EIF2B5: variants seen among roughly 807,000 people sequenced by gnomAD.
The protein encoded by EIF2B5 is eukaryotic translation initiation factor 2B subunit epsilon.
Under a neutral mutation model 87.3 loss-of-function variants are expected in EIF2B5, and 38 were observed. The ratio of observed to expected loss-of-function variants is 0.44; its 90% confidence interval spans 0.34 to 0.57. The LOEUF is 0.57. Among genes scored for constraint, EIF2B5 ranks in the 20% least tolerant of loss-of-function variants. The probability of loss-of-function intolerance (pLI) is 0.02; values close to 1 mark genes in which losing one functional copy is unlikely to be tolerated. For missense variants in EIF2B5, 784 were observed against 909.5 expected (o/e 0.86, Z 1.78); for synonymous variants, 313 against 339.6 (o/e 0.92, Z 0.86).
In EIF2B5 at chr3:184,144,872, G is replaced by C. The variant is rs1368238343; in HGVS notation, c.2107-12G>C. 6.2e-7 allele frequency: 1 copy of C among 1,613,422 alleles called. No homozygotes were observed. Among genetic ancestry groups the C allele is most frequent in the Admixed American group, 1.7e-5 (1 of 59,976 alleles). The stretch of plus-strand genomic sequence containing the variant: ...ACCTCCCCCAGCCGATCTCTCCTCT[G>C]CTTCTTTACAGCTGCAGAGGTTCAT... On this transcript the variant is annotated splice_polypyrimidine_tract_variant and intron_variant, in intron 15 of 15. Coordinates refer to ENST00000648915, the MANE Select transcript of EIF2B5 (RefSeq NM_003907.3).
intron 5 of EIF2B5, among the ~76,000 whole-genome samples, chr3:184,139,270 ATTTTTTTTTTTTTTT>A (rs1196978595): frequency 1.0e-4 from 5 of 48,012 alleles, no homozygotes; most frequent in African/African-American, 4.6e-4. Context: ...TGCACCCAGC[ATTTTTTTTTTTTTTT>A]TTTTTTTTTT....
chr3:184,140,233 T>A, intron 6 of EIF2B5, 76 bp downstream of exon 6: 1 of 1,514,060 alleles, frequency 6.6e-7, no homozygotes, highest in Non-Finnish European at 9.2e-7. Flanking sequence ...TAACTTTTGA[T>A]CTTTTTTGTA....
At position 184,145,238 on chromosome 3, in the gene EIF2B5, C is replaced by G. The variant is rs1713817968; in HGVS notation, c.*295C>G. The G allele has an allele frequency of 1.9e-6, 1 of 513,794 alleles. No homozygotes were observed. The highest frequency in any genetic ancestry group is 3.5e-6 in the Non-Finnish European group (1 of 282,228). The allele number at this position is 513,794 out of a possible 1,614,324, so 31.8% of individuals were successfully genotyped here. A position where few individuals can be genotyped will look rare whatever the true frequency, so the allele number is the denominator to read the frequency against. On this transcript the variant is annotated 3_prime_UTR_variant, in exon 16 of 16. Coordinates refer to ENST00000648915, the MANE Select transcript of EIF2B5 (RefSeq NM_003907.3). This position sits in a 1 kb window ranked among gnomAD's most constrained non-coding sequence, Gnocchi z 4.0. ...GAACAGCTTTGTGCTCCGGCTTTCCCTCAGGGAACAGCAGAGAGCAGTTGG... is the reference window on the plus strand; with the variant it reads ...GAACAGCTTTGTGCTCCGGCTTTCCGTCAGGGAACAGCAGAGAGCAGTTGG...
chr3:184,140,721 T>C lies in EIF2B5; in HGVS notation c.1147T>C (p.Cys383Arg), dbSNP rs1271482092. The C allele has an allele frequency of 6.2e-7, 1 of 1,614,070 alleles. No homozygotes were observed. The highest frequency in any genetic ancestry group is 8.5e-7 in the Non-Finnish European group (1 of 1,180,030). Residue 383 changes from cysteine (C) to arginine (R), a missense_variant, in exon 7 of 16, where the codon TGC becomes CGC. Cys to Arg is a radical substitution (Grantham distance 180, BLOSUM62 -3). This residue lies in a region of EIF2B5 where 660 missense variants were observed against 789.5 expected (regional missense o/e 0.84). Coordinates refer to ENST00000648915, the MANE Select transcript of EIF2B5 (RefSeq NM_003907.3). ...FITNSVIGPG[C>R]HIGDNVVLDQ... ...CACCAACAGTGTCATTGGCCCCGGC[T>C]GCCACATTGGTGAGCACAGGTGGGG...
Position 184,143,147 on chromosome 3 carries a change from G to C in EIF2B5, c.1745+5G>C. The stretch of plus-strand genomic sequence containing the variant: ...CCTGGAAATCAACTCTCTCAAGTAA[G>C]AGCAGCCCCTCCCTGTTCTCCTCGG... On this transcript the variant is annotated splice_donor_5th_base_variant and intron_variant, in intron 12 of 15. Transcript: ENST00000648915. The C allele has an allele frequency of 6.2e-7, 1 of 1,612,596 alleles. No individual in the cohort carries two copies. The highest frequency in any genetic ancestry group is 8.5e-7 in the Non-Finnish European group (1 of 1,179,418).
intron 5 of EIF2B5, chr3:184,138,725 T>G: frequency 4.5e-6 from 1 of 224,094 alleles, no homozygotes; most frequent in South Asian, 5.1e-5. Flanking sequence ...TGGAGCACAG[T>G]GGCACCATGA....
chr3:184,142,497 T>C lies in EIF2B5; in HGVS notation c.1445-5T>C. 1.9e-6 allele frequency: 3 copies of C among 1,614,122 alleles called. No homozygotes were observed. Among genetic ancestry groups the C allele is most frequent in the Non-Finnish European group, 2.5e-6 (3 of 1,180,014 alleles). On this transcript the variant is annotated splice_polypyrimidine_tract_variant and splice_region_variant and intron_variant, in intron 9 of 15. Coordinates refer to ENST00000648915, the MANE Select transcript of EIF2B5 (RefSeq NM_003907.3). This position sits in a 1 kb window ranked among gnomAD's most constrained non-coding sequence, Gnocchi z 5.0. ...GCCCTCTCTATAGATCATTGCCTTT[T>C]CCAGGTTACAATCCAGCAGAAGTAG...
chr3:184,139,228 C>T (rs1713505964), intron 5 of EIF2B5, among the ~76,000 whole-genome samples: 1 of 151,684 alleles, frequency 6.6e-6, no homozygotes, highest in Non-Finnish European at 1.5e-5. Flanking sequence ...GCCTTGGCCT[C>T]CCAAAGTGCT....
chr3:184,144,587 C>G lies in EIF2B5; in HGVS notation c.1996-10C>G. 6.2e-7 allele frequency: 1 copy of G among 1,613,186 alleles called. No homozygotes were observed. The highest frequency in any genetic ancestry group is 8.5e-7 in the Non-Finnish European group (1 of 1,179,346). On this transcript the variant is annotated splice_polypyrimidine_tract_variant and intron_variant, in intron 14 of 15. Transcript: ENST00000648915. ...AGGCCCCTGAGGTCCCCTTTATTGG[C>G]CTTTTGCAGGTACTGATGGCTTTCT...
chr3:184,137,818 A>C lies in EIF2B5; in HGVS notation c.506+13A>C, dbSNP rs1479173298. On this transcript the variant is annotated intron_variant, in intron 3 of 15. Transcript: ENST00000648915. ...TTGAGGAACACAGGTCAGGATGGGA[A>C]AATGACAGGAACAAGGGTTAAAGAC... The C allele has an allele frequency of 3.7e-6, 6 of 1,614,204 alleles. No individual in the cohort carries two copies. The highest frequency in any genetic ancestry group is 4.2e-6 in the Non-Finnish European group (5 of 1,180,038).
At position 184,140,499 on chromosome 3, in the gene EIF2B5, G is replaced by A. The variant is rs113994061; in HGVS notation, c.925G>A (p.Val309Ile). 1.9e-6 allele frequency: 3 copies of A among 1,614,130 alleles called. No individual in the cohort carries two copies. The highest frequency in any genetic ancestry group is 1.3e-5 in the African/African-American group (1 of 75,006). The change falls in exon 7 of 16, where the codon GTC (valine) becomes ATC (isoleucine). Residue 309 changes from valine (V) to isoleucine (I), a missense_variant. Coordinates refer to ENST00000648915, the MANE Select transcript of EIF2B5 (RefSeq NM_003907.3). ...CTCCAACCTACACATGTACTCAGCTGTCTGTGCTGACGTCATCCGCCGATG... is the reference window on the plus strand; with the variant it reads ...CTCCAACCTACACATGTACTCAGCTATCTGTGCTGACGTCATCCGCCGATG... ...RVSNLHMYSA[V>I]CADVIRRWVY...
At chr3:184,143,350 T>G in intron 12 of EIF2B5, 92 bp from the exon 13 acceptor site, 1 of 1,606,576 alleles carries the variant, frequency 6.2e-7, no homozygotes. Context: ...TATTGTTCCA[T>G]CCAGATTCCT....
rs778540793 is a variant in EIF2B5 at position 184,140,060 on chromosome 3, A to G, written c.766-20A>G. 1 of 1,593,644 alleles carries G rather than the reference A, an allele frequency of 6.3e-7. No homozygotes were observed. Among genetic ancestry groups the G allele is most frequent in the Non-Finnish European group, 8.6e-7 (1 of 1,163,206 alleles). On this transcript the variant is annotated intron_variant, in intron 5 of 15. Coordinates refer to ENST00000648915, the MANE Select transcript of EIF2B5 (RefSeq NM_003907.3). ...AAAGAATAGTACTTAATTCTAGCCC[A>G]CTCCACTTCCCTTCCACAGGTGGCA...
At position 184,142,908 on chromosome 3, in the gene EIF2B5, C is replaced by G; in HGVS notation, c.1654+22C>G. 2 of 1,599,664 alleles carry G rather than the reference C, an allele frequency of 1.3e-6. No homozygotes were observed. The highest frequency in any genetic ancestry group is 1.7e-6 in the Non-Finnish European group (2 of 1,170,058). On this transcript the variant is annotated intron_variant, in intron 11 of 15. Coordinates refer to ENST00000648915, the MANE Select transcript of EIF2B5 (RefSeq NM_003907.3). The surrounding 1 kb of genome is among the most constrained non-coding windows in gnomAD (Gnocchi z 5.0). ...AAAGGTGAGTGGCAGGGGAGAAATG[C>G]GCTGGACCAGTTTATTCTCTGCCTG...
Position 184,141,656 on chromosome 3 carries a change from A to G in EIF2B5, c.1157-269A>G, listed in dbSNP as rs1467238973. Among the ~76,000 whole-genome samples the G allele has an allele frequency of 2.0e-5, 3 of 152,092 alleles. No homozygotes were observed. In the East Asian group the frequency reaches 5.8e-4, roughly 29 times the overall value. On this transcript the variant is annotated intron_variant, in intron 7 of 15. Transcript: ENST00000648915. ...TGTAGGCGTGGATATGATTCTAATAAGGTTTTTTGAGTTCAGAGGGTCCCC... is the reference window on the plus strand; with the variant it reads ...TGTAGGCGTGGATATGATTCTAATAGGGTTTTTTGAGTTCAGAGGGTCCCC...
At position 184,144,667 on chromosome 3, in the gene EIF2B5, A is replaced by T. The variant is rs770162376; in HGVS notation, c.2066A>T (p.Asp689Val). The T allele has an allele frequency of 6.2e-7, 1 of 1,614,090 alleles. No individual in the cohort carries two copies. The highest frequency in any genetic ancestry group is 2.2e-5 in the East Asian group (1 of 44,880). The change falls in exon 15 of 16, where the codon GAT becomes GTT. Residue 689 changes from aspartate to valine, a missense_variant. Transcript: ENST00000648915. Reference protein sequence around the residue: ...ETILSWFSQRDTTDKGQQLRK... With the variant: ...ETILSWFSQRVTTDKGQQLRK... ...ATTCTGAGCTGGTTCAGCCAAAGAGATACAACTGACAAGGGCCAGCAGTTG... is the reference window on the plus strand; with the variant it reads ...ATTCTGAGCTGGTTCAGCCAAAGAGTTACAACTGACAAGGGCCAGCAGTTG...
chr3:184,142,252 A>G lies in EIF2B5; in HGVS notation c.1318A>G (p.Asn440Asp), dbSNP rs2109010413. 1 of 1,614,062 alleles carries G rather than the reference A, an allele frequency of 6.2e-7. No individual in the cohort carries two copies. Among genetic ancestry groups the G allele is most frequent in the Non-Finnish European group, 8.5e-7 (1 of 1,180,012 alleles). ...TTCCCCTTAGGTGGTCGTGGGCCCA[A>G]ATATCACGCTGCCTGAGGGCTCGGT... ...VLTSQVVVGP[N>D]ITLPEGSVIS... The change falls in exon 9 of 16, where the codon AAT becomes GAT. Residue 440 changes from asparagine (N) to aspartate (D), a missense_variant. Asn to Asp is a conservative substitution (Grantham distance 23, BLOSUM62 1). Around this residue, in one of 3 missense-constraint regions of EIF2B5, gnomAD observed 660 missense variants for 789.5 expected, o/e 0.84. Transcript: ENST00000648915. The surrounding 1 kb of genome is among the most constrained non-coding windows in gnomAD (Gnocchi z 5.0).
intron 5 of EIF2B5, among the ~76,000 whole-genome samples, chr3:184,139,520 A>ATCTGCCT (rs1487825115): frequency 6.7e-6 from 1 of 149,624 alleles, no homozygotes; most frequent in Non-Finnish European, 1.5e-5. Flanking sequence ...ACCTCAGGTG[A>ATCTGCCT]TCTGCCTGCC....
At position 184,135,549 on chromosome 3, in the gene EIF2B5, G is replaced by A; in HGVS notation, c.164G>A (p.Arg55His). The A allele has an allele frequency of 1.3e-6, 2 of 1,590,642 alleles. No individual in the cohort carries two copies. Among genetic ancestry groups the A allele is most frequent in the Non-Finnish European group, 1.7e-6 (2 of 1,169,694 alleles). ...CTGGTGGCCGATAGCTTCGATCGCC[G>A]CTTCTTCCCCATCTCCAAGGACCAG... ...AVLVADSFDR[R>H]FFPISKDQPR... Residue 55 changes from arginine to histidine, a missense_variant, in exon 1 of 16, where the codon CGC (arginine) becomes CAC (histidine). This residue lies in a region of EIF2B5 where 117 missense variants were observed against 101.0 expected (regional missense o/e 1.16). Transcript: ENST00000648915.
Sources: allele counts gnomAD v4.1 joint callset (sites outside exome capture counted in the v4.1 genomes callset), GRCh38; gene constraint gnomAD v4.1.1; regional missense constraint gnomAD v4.1.1; non-coding constraint Gnocchi (gnomAD v3.1); transcripts MANE v1.5; gene names NCBI Gene and HGNC (gene_info 2026-07-23, HGNC 2026-07-21).